Variants in JMJD1C observed in about 807,000 individuals in gnomAD.
JMJD1C encodes the protein jumonji domain-containing protein 1C.
In JMJD1C, 31 loss-of-function variants were observed where a neutral mutation model predicts 245.3. That is an observed-to-expected ratio of 0.13 (90% CI 0.09 to 0.17). The LOEUF (loss-of-function observed/expected upper bound fraction) is 0.17. Among genes scored for constraint, JMJD1C ranks in the 10% least tolerant of loss-of-function variants. The pLI, the probability that JMJD1C is intolerant of heterozygous loss-of-function variation, is 1.00. For synonymous variants in JMJD1C, 1,057 were observed against 1,017.4 expected (o/e 1.04, Z -0.74); for missense variants, 2,691 against 3,000.2 (o/e 0.90, Z 2.41).
At chr10:63,193,902 G>A (rs1265881245) in intron 14 of JMJD1C, among the ~76,000 whole-genome samples, 3 of 152,182 alleles carry the variant, frequency 2.0e-5, no homozygotes, top group Non-Finnish European at 4.4e-5. Context: ...TCCTGACCTC[G>A]TGATCCGCCG....
chr10:63,277,867 G>A (rs2133867384), intron 2 of JMJD1C, among the ~76,000 whole-genome samples: 1 of 148,916 alleles, frequency 6.7e-6, no homozygotes, highest in East Asian at 2.0e-4. Context: ...CTCCCGAGTA[G>A]CTGGGATTAC....
upstream of JMJD1C, among the ~76,000 whole-genome samples, chr10:63,469,122 T>A (rs146970492): frequency 6.6e-6 from 1 of 152,360 alleles, no homozygotes; most frequent in East Asian, 1.9e-4. Context: ...TGACTTGGTA[T>A]GTAACTGTGG....
At chr10:63,174,835 AAAAAAACAAAAAAC>A (rs1195752299) in intron 24 of JMJD1C, among the ~76,000 whole-genome samples, 1 of 150,710 alleles carries the variant, frequency 6.6e-6, no homozygotes, top group Non-Finnish European at 1.5e-5. Context: ...ACTCTGTCTC[AAAAAAACAAAAAAC>A]AAAAAACAAA....
chr10:63,506,050 G>C (rs1954709345), intron 1 of JMJD1C, among the ~76,000 whole-genome samples: 1 of 152,104 alleles, frequency 6.6e-6, no homozygotes, highest in African/African-American at 2.4e-5. Context: ...TGGCAGGTAA[G>C]AAAATTTTTA....
At chr10:63,337,302 C>T (rs1014030004) in intron 2 of JMJD1C, among the ~76,000 whole-genome samples, 2 of 150,584 alleles carry the variant, frequency 1.3e-5, no homozygotes, top group South Asian at 2.1e-4. Flanking sequence ...ATTAGCCGGG[C>T]GTGGTGGCAC....
intron 2 of JMJD1C, among the ~76,000 whole-genome samples, chr10:63,278,270 G>C (rs9787438): frequency 0.38 from 58,004 of 151,170 alleles, 11,514 homozygotes; most frequent in South Asian, 0.5. Context: ...CAGATCACTT[G>C]AGGTTGGGAG....
At chr10:63,282,803 G>A (rs1210712446) in intron 2 of JMJD1C, among the ~76,000 whole-genome samples, 5 of 152,124 alleles carry the variant, frequency 3.3e-5, no homozygotes, top group African/African-American at 4.8e-5. Context: ...TGCAACCGCC[G>A]CCTCCCGGGT....
At chr10:63,171,409 T>C (rs1236137259) in intron 24 of JMJD1C, among the ~76,000 whole-genome samples, 1 of 152,224 alleles carries the variant, frequency 6.6e-6, no homozygotes, top group East Asian at 1.9e-4. Context: ...CTCAGCTTGC[T>C]AAGATTATAT....
Position 63,520,910 on chromosome 10 carries a change from A to T in JMJD1C, n.113+828T>A, listed in dbSNP as rs531199624. 3.5e-4 allele frequency among the ~76,000 whole-genome samples: 53 copies of T among 152,278 alleles called. 1 individual carries two copies. In the South Asian group the frequency reaches 0.011, roughly 30 times the overall value. On this transcript the variant is annotated intron_variant and non_coding_transcript_variant, in intron 1 of 3. Transcript: ENST00000633035. ...GATTCCTTTAAAATGTGGTAATATA[A>T]GGACGCCTTTGGTGCTGGGCCTCCG...
At chr10:63,442,118 A>C (rs990884064) in intron 1 of JMJD1C, among the ~76,000 whole-genome samples, 9 of 152,238 alleles carry the variant, frequency 5.9e-5, no homozygotes, top group African/African-American at 1.9e-4. Context: ...ACAGACAAGC[A>C]ACCAAAAATA....
intron 2 of JMJD1C, among the ~76,000 whole-genome samples, chr10:63,320,236 T>C (rs888196223): frequency 4.6e-5 from 7 of 152,178 alleles, no homozygotes; most frequent in East Asian, 1.9e-4. Context: ...GTTTTTGATA[T>C]TGAGTAATTT....
At chr10:63,374,574 T>A (rs1946569962) in intron 2 of JMJD1C, among the ~76,000 whole-genome samples, 1 of 152,216 alleles carries the variant, frequency 6.6e-6, no homozygotes, top group African/African-American at 2.4e-5. Flanking sequence ...TCATACCCTG[T>A]GATTATTAAT....
chr10:63,202,128 C>A (rs917455976), intron 10 of JMJD1C: 2 of 186,432 alleles, frequency 1.1e-5, no homozygotes, highest in Non-Finnish European at 2.0e-5. Context: ...GTAGCACGCA[C>A]CTGTAATTCC....
chr10:63,265,403 T>A (rs1196518620), intron 2 of JMJD1C, among the ~76,000 whole-genome samples: 1 of 151,972 alleles, frequency 6.6e-6, no homozygotes, highest in Non-Finnish European at 1.5e-5. Flanking sequence ...CTCCACTACT[T>A]CTTTTAAAAA....
intron 1 of JMJD1C, among the ~76,000 whole-genome samples, chr10:63,494,585 T>C (rs1214036403): frequency 1.3e-5 from 2 of 152,216 alleles, no homozygotes; most frequent in Admixed American, 1.3e-4. Context: ...TCTTTGATTG[T>C]GATTTGGCAG....
intron 2 of JMJD1C, among the ~76,000 whole-genome samples, chr10:63,305,512 CCT>C (rs71025151): frequency 4.8e-4 from 62 of 130,484 alleles, no homozygotes; most frequent in Admixed American, 6.2e-4. Context: ...AAGGTCTGAC[CCT>C]CTCTCTCTCT....
chr10:63,343,949 G>A lies in JMJD1C; in HGVS notation c.333+36369C>T, dbSNP rs546816028. Among the ~76,000 whole-genome samples, 28 of 152,080 alleles carry A rather than the reference G, an allele frequency of 1.8e-4. No individual in the cohort carries two copies. The South Asian group carries it at 5.4e-3, about 29-fold the overall frequency. Reference sequence around the variant, plus strand: ...GCTACTTGGGAGGCTGAGGTGGGAGGATCACTTGGGCCTGGGAGGTCAAGC... The same window carrying A: ...GCTACTTGGGAGGCTGAGGTGGGAGAATCACTTGGGCCTGGGAGGTCAAGC... On this transcript the variant is annotated intron_variant, in intron 2 of 25. Coordinates refer to ENST00000399262, the MANE Select transcript of JMJD1C (RefSeq NM_032776.3).
intron 2 of JMJD1C, among the ~76,000 whole-genome samples, chr10:63,351,621 T>C (rs1027851386): frequency 2.6e-5 from 4 of 152,170 alleles, no homozygotes; most frequent in Admixed American, 1.3e-4. Context: ...TAGAGCCTTG[T>C]GGGGAAACAA....
intron 2 of JMJD1C, among the ~76,000 whole-genome samples, chr10:63,269,610 A>C (rs1040698128): frequency 1.3e-5 from 2 of 152,224 alleles, no homozygotes; most frequent in African/African-American, 4.8e-5. Context: ...TTTTGCCTTA[A>C]AAATATTAAA....
Sources: gnomAD v4.1 joint callset for allele counts (sites outside exome capture counted in the v4.1 genomes callset) on GRCh38, gnomAD v4.1.1 for gene constraint, MANE v1.5 for transcripts, NCBI Gene and HGNC (gene_info 2026-07-23, HGNC 2026-07-21) for gene names.